ZNF518A: variants seen among roughly 807,000 people sequenced by gnomAD.
The protein encoded by ZNF518A is zinc finger protein 518A.
A neutral mutation model predicts 102.7 loss-of-function variants in ZNF518A; 47 were observed. That is an observed-to-expected ratio of 0.46 (90% CI 0.36 to 0.58). The LOEUF is 0.58. Among genes scored for constraint, ZNF518A ranks in the 20% least tolerant of loss-of-function variants. The pLI, the probability that ZNF518A is intolerant of heterozygous loss-of-function variation, is 0.00. For missense variants in ZNF518A, 1,793 were observed against 1,699.8 expected, an observed-to-expected ratio of 1.05 and a Z score of -0.96; for synonymous variants, 652 against 594.6, an observed-to-expected ratio of 1.10 and a Z score of -1.40.
Position 96,156,881 on chromosome 10 carries a change from G to T in ZNF518A, c.559G>T (p.Val187Leu), listed in dbSNP as rs374260712. The T allele has an allele frequency of 1.2e-6, 2 of 1,613,694 alleles. No individual in the cohort carries two copies. Among genetic ancestry groups the T allele is most frequent in the Admixed American group, 3.3e-5 (2 of 60,010 alleles). ...ATGTGACATTTGTAACAATGAGAGT[G>T]TATATACTTTACTGAACTTGACAAA... The part of the protein sequence containing the change: ...VKCDICNNES[V>L]YTLLNLTKHF... Residue 187 changes from valine (V) to leucine (L), a missense_variant, in exon 6 of 6, where the codon GTA (valine) becomes TTA (leucine). By Grantham distance (32) the Val-to-Leu change is conservative. This residue lies in a region of ZNF518A where 1,741 missense variants were observed against 1,622.6 expected (regional missense o/e 1.07). Transcript: ENST00000316045.
At position 96,157,941 on chromosome 10, in the gene ZNF518A, T is replaced by C. The variant is rs1554883997; in HGVS notation, c.1619T>C (p.Met540Thr). The C allele has an allele frequency of 1.9e-6, 3 of 1,613,730 alleles. No individual in the cohort carries two copies. The highest frequency in any genetic ancestry group is 3.3e-5 in the Admixed American group (2 of 60,004). The change falls in exon 6 of 6, where the codon ATG becomes ACG. Residue 540 changes from methionine (M) to threonine (T), a missense_variant. Met to Thr is a moderately conservative substitution (Grantham distance 81, BLOSUM62 -1). Around this residue, in one of 3 missense-constraint regions of ZNF518A, gnomAD observed 1,741 missense variants for 1,622.6 expected, o/e 1.07. Coordinates refer to ENST00000316045, the MANE Select transcript of ZNF518A (RefSeq NM_001330736.2). ...EMTLISQRNNMLQTMDYEKSV... is the reference protein window; with the variant it reads ...EMTLISQRNNTLQTMDYEKSV... The stretch of plus-strand genomic sequence containing the variant: ...ACTTTGATATCTCAAAGGAATAATA[T>C]GCTTCAAACAATGGATTATGAGAAA...
At chr10:96,130,294 C>T (rs587757996), upstream of ZNF518A, among the ~76,000 whole-genome samples, 1 of 152,352 alleles carries the variant, frequency 6.6e-6, no homozygotes, top group East Asian at 1.9e-4. Flanking sequence ...AGCGCTTCCG[C>T]TTAACTTGCC....
intron 1 of ZNF518A, among the ~76,000 whole-genome samples, chr10:96,181,155 GTC>G (rs1314130858): frequency 2.0e-5 from 3 of 152,206 alleles, no homozygotes; most frequent in African/African-American, 7.2e-5. Flanking sequence ...TTTGAAAAGT[GTC>G]TATTCATGTC....
At position 96,159,399 on chromosome 10, in the gene ZNF518A, G is replaced by C; in HGVS notation, c.3077G>C (p.Gly1026Ala). 3 of 1,613,752 alleles carry C rather than the reference G, an allele frequency of 1.9e-6. No homozygotes were observed. Among genetic ancestry groups the C allele is most frequent in the Non-Finnish European group, 2.5e-6 (3 of 1,179,786 alleles). ...CCAAACAATAATTGTCTTACACCTG[G>C]ACTTTGTTCCAGCATTGGCAGTTGT... ...VEPNNNCLTP[G>A]LCSSIGSCLS... The change falls in exon 6 of 6, where the codon GGA (glycine) becomes GCA (alanine). Residue 1026 changes from glycine (G) to alanine (A), a missense_variant. Coordinates refer to ENST00000316045, the MANE Select transcript of ZNF518A (RefSeq NM_001330736.2).
chr10:96,159,317 C>T lies in ZNF518A; in HGVS notation c.2995C>T (p.Pro999Ser), dbSNP rs377708164. 8 of 1,613,430 alleles carry T rather than the reference C, an allele frequency of 5.0e-6. No homozygotes were observed. Among genetic ancestry groups the T allele is most frequent in the Middle Eastern group, 1.7e-4 (1 of 6,060 alleles). The change falls in exon 6 of 6, where the codon CCA becomes TCA. Residue 999 changes from proline to serine, a missense_variant. Physicochemically the swap from Pro to Ser is moderately conservative, Grantham distance 74. Around this residue, in one of 3 missense-constraint regions of ZNF518A, gnomAD observed 1,741 missense variants for 1,622.6 expected, o/e 1.07. Coordinates refer to ENST00000316045, the MANE Select transcript of ZNF518A (RefSeq NM_001330736.2). ...GVSAVKTEGA[P>S]ARGTVTKEPC... ...TTCCGCTGTCAAAACCGAGGGTGCCCCAGCTCGTGGAACTGTGACTAAGGA... is the reference window on the plus strand; with the variant it reads ...TTCCGCTGTCAAAACCGAGGGTGCCTCAGCTCGTGGAACTGTGACTAAGGA...
At chr10:96,187,433 G>T (rs2083278882) in intron 1 of ZNF518A, among the ~76,000 whole-genome samples, 1 of 152,176 alleles carries the variant, frequency 6.6e-6, no homozygotes. Flanking sequence ...GGTAGTGCTG[G>T]TTTTGCCTCA....
intron 1 of ZNF518A, among the ~76,000 whole-genome samples, chr10:96,182,143 T>C (rs1224604033): frequency 6.6e-6 from 1 of 152,266 alleles, no homozygotes. Flanking sequence ...CTGTTATTGG[T>C]GTATAGGAAT....
chr10:96,132,412 A>C (rs1444393068), intron 1 of ZNF518A, among the ~76,000 whole-genome samples, 174 bp from the exon 2 acceptor site: 1 of 151,682 alleles, frequency 6.6e-6, no homozygotes, highest in Non-Finnish European at 1.5e-5. Flanking sequence ...TGACTTTTGC[A>C]AATTTGTGAC....
rs781936711 is a variant in ZNF518A, at chr10:96,159,955, T to C, written c.3633T>C (p.Thr1211=). 3.7e-6 allele frequency: 6 copies of C among 1,613,444 alleles called. No individual in the cohort carries two copies. Among genetic ancestry groups the C allele is most frequent in the Admixed American group, 1.7e-5 (1 of 59,944 alleles). The change falls in exon 6 of 6, where the codon ACT becomes ACC. Residue 1211 remains threonine (T), a synonymous_variant. Transcript: ENST00000316045. ...MPANEIVITS[T]ATCPESSEEP... is the part of the protein sequence containing the mutation. The stretch of plus-strand genomic sequence containing the variant: ...CAAATGAAATTGTGATAACTTCTAC[T>C]GCAACATGCCCAGAATCTTCTGAGG...
chr10:96,200,474 A>G lies in ZNF518A; in HGVS notation n.36-3100A>G, dbSNP rs2083602201. Among the ~76,000 whole-genome samples the G allele has an allele frequency of 6.6e-6, 1 of 152,226 alleles. No homozygotes were observed. The highest frequency in any genetic ancestry group is 2.4e-5 in the African/African-American group (1 of 41,538). On this transcript the variant is annotated intron_variant and non_coding_transcript_variant, in intron 1 of 2. Transcript: ENST00000442635. The surrounding 1 kb of genome is among the most constrained non-coding windows in gnomAD (Gnocchi z 4.3). The stretch of plus-strand genomic sequence containing the variant: ...TGGAGTGCTTTACAATTTCCAAAGC[A>G]TTTTTACAAATATTATTTTATTTGA...
Position 96,130,736 on chromosome 10 carries a change from T to G in ZNF518A, c.-469T>G, listed in dbSNP as rs915122486. The G allele has an allele frequency of 6.6e-6, 1 of 152,352 alleles. No individual in the cohort carries two copies. Among genetic ancestry groups the G allele is most frequent in the Admixed American group, 6.5e-5 (1 of 15,284 alleles). The allele number at this position is 152,352 out of a possible 1,614,324, so 9.4% of individuals were successfully genotyped here. On this transcript the variant is annotated 5_prime_UTR_variant, in exon 1 of 6. Coordinates refer to ENST00000316045, the MANE Select transcript of ZNF518A (RefSeq NM_001330736.2). ...CTGCTCCCTGACGCGCTCGCTCTTC[T>G]CCAGAGTTGGCCAAAGGTGCTCTTC...
intron 1 of ZNF518A, chr10:96,196,806 C>G: frequency 1.7e-6 from 2 of 1,186,226 alleles, no homozygotes; most frequent in Non-Finnish European, 2.5e-6. Context: ...AGAACAAGTA[C>G]TTTTGTATCC....
At chr10:96,173,149 A>G (rs1334328002) in intron 1 of ZNF518A, among the ~76,000 whole-genome samples, 1 of 152,210 alleles carries the variant, frequency 6.6e-6, no homozygotes, top group Non-Finnish European at 1.5e-5. Context: ...ATGCCATTTT[A>G]CATAAGGGAT....
At chr10:96,195,112 A>T (rs2083432618) in intron 1 of ZNF518A, among the ~76,000 whole-genome samples, 2 of 152,210 alleles carry the variant, frequency 1.3e-5, no homozygotes, top group South Asian at 4.1e-4. Context: ...CTATCACCTT[A>T]CACCCATTTG....
chr10:96,158,677 A>C lies in ZNF518A; in HGVS notation c.2355A>C (p.Gln785His), dbSNP rs782592102. 3 of 1,613,286 alleles carry C rather than the reference A, an allele frequency of 1.9e-6. No individual in the cohort carries two copies. Among genetic ancestry groups the C allele is most frequent in the Non-Finnish European group, 2.5e-6 (3 of 1,179,550 alleles). Residue 785 changes from glutamine to histidine, a missense_variant, in exon 6 of 6, where the codon CAA becomes CAC. Coordinates refer to ENST00000316045, the MANE Select transcript of ZNF518A (RefSeq NM_001330736.2). The part of the protein sequence containing the change: ...ASEFLPPEVN[Q>H]LLQDVLKIKP... ...AATTTCTGCCACCTGAAGTAAACCA[A>C]TTGCTTCAGGATGTATTGAAAATAA...
chr10:96,203,902 C>A, intron 2 of ZNF518A: 1 of 557,436 alleles, frequency 1.8e-6, no homozygotes, highest in Non-Finnish European at 3.2e-6. Context: ...AATAAACATT[C>A]TTGGCCCCAT....
At position 96,189,965 on chromosome 10, in the gene ZNF518A, G is replaced by C. The variant is rs1351885198; in HGVS notation, n.36-13609G>C. On this transcript the variant is annotated intron_variant and non_coding_transcript_variant, in intron 1 of 2. Coordinates refer to the ZNF518A transcript ENST00000442635. Reference sequence around the variant, plus strand: ...TATTTCAAAGACCCCAAGGGAAACTGTTGGCTGTACAGACATTTTCAAAGG... The same window carrying C: ...TATTTCAAAGACCCCAAGGGAAACTCTTGGCTGTACAGACATTTTCAAAGG... 4.9e-5 allele frequency: 43 copies of C among 885,726 alleles called. 1 individual carries two copies. The Middle Eastern group carries it at 1.3e-3, about 27-fold the overall frequency. The allele number at this position is 885,726 out of a possible 1,614,324, so 54.9% of individuals were successfully genotyped here. A position where few individuals can be genotyped will look rare whatever the true frequency, so the allele number is the denominator to read the frequency against.
In ZNF518A at chr10:96,130,306, CAA is replaced by C. The variant is rs2081258090; in HGVS notation, c.-897_-896del. Among the ~76,000 whole-genome samples the C allele has an allele frequency of 1.3e-5, 2 of 152,240 alleles. No individual in the cohort carries two copies. The highest frequency in any genetic ancestry group is 6.5e-5 in the Admixed American group (1 of 15,294). On this transcript the variant is annotated 5_prime_UTR_variant, in exon 1 of 6. Coordinates refer to ENST00000316045, the MANE Select transcript of ZNF518A (RefSeq NM_001330736.2). Reference sequence around the variant, plus strand: ...TTCAGCGCTTCCGCTTAACTTGCCGCAAAGTTTTTCTGGAGAAGTCGGGGTTT... The same window carrying C: ...TTCAGCGCTTCCGCTTAACTTGCCGCAGTTTTTCTGGAGAAGTCGGGGTTT...
rs74644284 is a variant in ZNF518A, at chr10:96,175,431, G to A, written n.35+19384G>A. On this transcript the variant is annotated intron_variant and non_coding_transcript_variant, in intron 1 of 2. Coordinates refer to the ZNF518A transcript ENST00000442635. The stretch of plus-strand genomic sequence containing the variant: ...TTCCTGCTTTCTTGGACTACTTTAG[G>A]TACTAACTCTGTCAGTTGGGTCTTC... Among the ~76,000 whole-genome samples, 27 of 152,208 alleles carry A rather than the reference G, an allele frequency of 1.8e-4. No homozygotes were observed. The East Asian group carries it at 4.4e-3, about 25-fold the overall frequency.
Sources: allele counts gnomAD v4.1 joint callset (sites outside exome capture counted in the v4.1 genomes callset), GRCh38; gene constraint gnomAD v4.1.1; regional missense constraint gnomAD v4.1.1; non-coding constraint Gnocchi (gnomAD v3.1); transcripts MANE v1.5; gene names NCBI Gene and HGNC (gene_info 2026-07-23, HGNC 2026-07-21).